GALNT10: variants seen among roughly 807,000 people sequenced by gnomAD.
GALNT10 encodes polypeptide N-acetylgalactosaminyltransferase 10.
In GALNT10, 41 loss-of-function variants were observed where a neutral mutation model predicts 75.0. The observed-to-expected ratio is 0.55, with a 90% confidence interval of 0.43 to 0.71. GALNT10 has a LOEUF of 0.71. GALNT10 is among the 30% of genes least tolerant of loss of function. The pLI is 0.00. For synonymous variants in GALNT10, 302 were observed against 313.0 expected, an observed-to-expected ratio of 0.96 and a Z score of 0.37; for missense variants, 727 against 818.5, an observed-to-expected ratio of 0.89 and a Z score of 1.36.
intron 7 of GALNT10, among the ~76,000 whole-genome samples, chr5:154,398,589 T>C (rs975901134): frequency 2.6e-5 from 4 of 152,146 alleles, no homozygotes; most frequent in African/African-American, 9.7e-5. Flanking sequence ...AAGGACCTTT[T>C]AGGAGCCAGG....
chr5:154,248,023 G>T (rs964068450), intron 1 of GALNT10, among the ~76,000 whole-genome samples: 8 of 152,130 alleles, frequency 5.3e-5, no homozygotes, highest in Non-Finnish European at 8.8e-5. Context: ...TAGCATGAAG[G>T]GCTGTTGAAT....
chr5:154,353,297 C>T (rs538070008), intron 4 of GALNT10, among the ~76,000 whole-genome samples: 6 of 152,106 alleles, frequency 3.9e-5, no homozygotes, highest in Non-Finnish European at 7.4e-5. Flanking sequence ...CACCACCCCC[C>T]GCAAAACGAC....
intron 1 of GALNT10, among the ~76,000 whole-genome samples, chr5:154,219,239 C>T (rs540035284): frequency 9.2e-5 from 14 of 152,356 alleles, no homozygotes; most frequent in African/African-American, 3.1e-4. Context: ...AGGTCCTCCA[C>T]GTGCTTCAGG....
intron 10 of GALNT10, 44 bp downstream of exon 10, chr5:154,413,049 C>T (rs1561687829): frequency 1.6e-6 from 2 of 1,249,400 alleles, no homozygotes; most frequent in Non-Finnish European, 1.2e-6. Context: ...TTCTCTGAAA[C>T]ATCTGCAGCC....
intron 1 of GALNT10, among the ~76,000 whole-genome samples, chr5:154,248,890 T>A (rs1349082769): frequency 6.6e-6 from 1 of 152,342 alleles, no homozygotes; most frequent in African/African-American, 2.4e-5. Flanking sequence ...GTTGACCCAG[T>A]CTTATAGTCC....
intron 1 of GALNT10, among the ~76,000 whole-genome samples, chr5:154,238,236 G>T (rs566536420): frequency 6.6e-6 from 1 of 151,478 alleles, no homozygotes; most frequent in South Asian, 2.1e-4. Flanking sequence ...TTCTGTTTCC[G>T]TGCTTTAAGT....
At chr5:154,277,070 A>G (rs1753963515) in intron 1 of GALNT10, among the ~76,000 whole-genome samples, 1 of 152,084 alleles carries the variant, frequency 6.6e-6, no homozygotes, top group Non-Finnish European at 1.5e-5. Context: ...CAACAACCAT[A>G]TGTTGTTGCT....
Position 154,376,477 on chromosome 5 carries a change from C to T in GALNT10, c.754+15C>T. The T allele has an allele frequency of 6.4e-7, 1 of 1,560,268 alleles. No homozygotes were observed. Among genetic ancestry groups the T allele is most frequent in the Non-Finnish European group, 8.6e-7 (1 of 1,157,886 alleles). On this transcript the variant is annotated intron_variant, in intron 5 of 11. Coordinates refer to ENST00000297107, the MANE Select transcript of GALNT10 (RefSeq NM_198321.4). The surrounding 1 kb of genome is among the most constrained non-coding windows in gnomAD (Gnocchi z 4.1). ...CCCCTTGCTTGGTAAGGGAGCCCCTCCCACTTGGAGGGAGGCAAACTGCAA... is the reference window on the plus strand; with the variant it reads ...CCCCTTGCTTGGTAAGGGAGCCCCTTCCACTTGGAGGGAGGCAAACTGCAA...
intron 1 of GALNT10, among the ~76,000 whole-genome samples, chr5:154,291,390 T>C (rs1312242340): frequency 6.6e-6 from 1 of 152,166 alleles, no homozygotes; most frequent in Non-Finnish European, 1.5e-5. Context: ...GGGTTCTTGT[T>C]AGAAATGCAG....
Position 154,420,289 on chromosome 5 carries a change from C to G in GALNT10, c.*3317C>G, listed in dbSNP as rs1756603340. The G allele has an allele frequency of 6.6e-6, 1 of 152,268 alleles. No homozygotes were observed. The highest frequency in any genetic ancestry group is 1.5e-5 in the Non-Finnish European group (1 of 68,046). 9.4% of individuals were successfully genotyped at this position (152,268 alleles called of 1,614,324 possible). On this transcript the variant is annotated 3_prime_UTR_variant, in exon 12 of 12. Coordinates refer to ENST00000297107, the MANE Select transcript of GALNT10 (RefSeq NM_198321.4). ...CAAAGTCTACATGACATTCACTTTT[C>G]AAACTTCCCACCAGTTGAATTTCTT...
intron 1 of GALNT10, among the ~76,000 whole-genome samples, chr5:154,243,157 G>T (rs565198691): frequency 1.3e-5 from 2 of 152,196 alleles, no homozygotes; most frequent in African/African-American, 2.4e-5. Context: ...TAGAGATGGG[G>T]TCTCAACTTA....
intron 3 of GALNT10, among the ~76,000 whole-genome samples, chr5:154,314,579 C>T (rs1370174730): frequency 2.6e-5 from 4 of 152,036 alleles, no homozygotes; most frequent in East Asian, 1.9e-4. Flanking sequence ...AGTTGGCTTT[C>T]TGCCTTGGTC....
intron 1 of GALNT10, among the ~76,000 whole-genome samples, chr5:154,245,200 TG>T (rs1346344651): frequency 5.3e-5 from 8 of 152,110 alleles, no homozygotes; most frequent in African/African-American, 1.9e-4. Context: ...GCCACCATGG[TG>T]GCAGTGAGGA....
chr5:154,228,096 G>A (rs905372007), intron 1 of GALNT10, among the ~76,000 whole-genome samples: 3 of 152,152 alleles, frequency 2.0e-5, no homozygotes, highest in Non-Finnish European at 4.4e-5. Flanking sequence ...CTTCCACCAT[G>A]ATTGTAAGCT....
chr5:154,385,236 G>A (rs917562711), intron 6 of GALNT10, among the ~76,000 whole-genome samples: 15 of 152,292 alleles, frequency 9.8e-5, no homozygotes, highest in African/African-American at 3.4e-4. Context: ...CACAGCAAAC[G>A]CTGGTTGGCC....
chr5:154,204,235 G>A (rs1775071536), intron 1 of GALNT10, among the ~76,000 whole-genome samples: 1 of 152,288 alleles, frequency 6.6e-6, no homozygotes, highest in Non-Finnish European at 1.5e-5. Flanking sequence ...TCCAGCTTTT[G>A]ATACTCAGTG....
At chr5:154,403,829 A>G (rs1468350566) in intron 7 of GALNT10, 4 of 463,300 alleles carry the variant, frequency 8.6e-6, no homozygotes, top group Middle Eastern at 6.1e-4. Context: ...AAATGTTACT[A>G]CCTACTTTAT....
At chr5:154,205,848 C>T (rs1468876894) in intron 1 of GALNT10, among the ~76,000 whole-genome samples, 1 of 152,168 alleles carries the variant, frequency 6.6e-6, no homozygotes, top group African/African-American at 2.4e-5. Context: ...AAGCATCTCC[C>T]CTAGAGGCTT....
chr5:154,281,201 A>G (rs166190), intron 1 of GALNT10, among the ~76,000 whole-genome samples: 99,411 of 152,088 alleles, frequency 0.65, 32,871 homozygotes, highest in East Asian at 0.86. Context: ...TAAACATGAC[A>G]TATCTCTCCA....
Sources: gnomAD v4.1 joint callset for allele counts (sites outside exome capture counted in the v4.1 genomes callset) on GRCh38, gnomAD v4.1.1 for gene constraint, Gnocchi (gnomAD v3.1) non-coding constraint, MANE v1.5 for transcripts, NCBI Gene and HGNC (gene_info 2026-07-23, HGNC 2026-07-21) for gene names.